Variants in NADK observed in about 807,000 individuals in gnomAD.
The protein encoded by NADK is NAD kinase.
A neutral mutation model predicts 49.8 loss-of-function variants in NADK; 22 were observed. That is an observed-to-expected ratio of 0.44 (90% CI 0.32 to 0.63). The LOEUF (loss-of-function observed/expected upper bound fraction) is 0.63, where lower values mean the gene tolerates loss of function less well. NADK is among the 30% of genes least tolerant of loss of function. The probability of loss-of-function intolerance (pLI) is 0.06; values close to 1 mark genes in which losing one functional copy is unlikely to be tolerated. For synonymous variants in NADK, 268 were observed against 253.7 expected, an observed-to-expected ratio of 1.06 and a Z score of -0.54; for missense variants, 438 against 609.4, an observed-to-expected ratio of 0.72 and a Z score of 2.96.
At chr1:1,757,146 G>GCCCCCCCCCCCCCCC in intron 4 of NADK, 35 bp downstream of exon 4, 15 of 1,524,018 alleles carry the variant, frequency 9.8e-6, no homozygotes, top group Admixed American at 4.0e-5. Context: ...AACTCCATGT[G>GCCCCCCCCCCCCCCC]CACCCCAGGC....
chr1:1,772,429 G>C (rs1646079990), intron 1 of NADK, among the ~76,000 whole-genome samples: 1 of 152,086 alleles, frequency 6.6e-6, no homozygotes, highest in Non-Finnish European at 1.5e-5. Flanking sequence ...ATCATAATGT[G>C]CTTGGATTAC....
chr1:1,773,115 A>C (rs1016911219), intron 1 of NADK, among the ~76,000 whole-genome samples: 20 of 150,640 alleles, frequency 1.3e-4, no homozygotes, highest in Non-Finnish European at 2.5e-4. Context: ...TACTATTTTT[A>C]CAACTTCCTA....
intron 1 of NADK, among the ~76,000 whole-genome samples, chr1:1,771,042 TAA>T (rs34422935): frequency 2.4e-3 from 311 of 130,488 alleles, no homozygotes; most frequent in East Asian, 0.011. Context: ...TTTCATCTTA[TAA>T]AAAAAAAAAA....
chr1:1,753,281 C>T (rs985405159), intron 11 of NADK, among the ~76,000 whole-genome samples: 3 of 152,170 alleles, frequency 2.0e-5, no homozygotes, highest in Non-Finnish European at 2.9e-5. Context: ...AACTCTGCCC[C>T]AGGGCCCTCA....
chr1:1,760,792 T>C (rs1223083047), intron 3 of NADK, among the ~76,000 whole-genome samples: 1 of 152,076 alleles, frequency 6.6e-6, no homozygotes, highest in Non-Finnish European at 1.5e-5. Flanking sequence ...GCAATGAGGA[T>C]GTCTACCAGG....
intron 2 of NADK, among the ~76,000 whole-genome samples, chr1:1,764,317 G>A (rs1003285189): frequency 2.6e-5 from 4 of 152,182 alleles, no homozygotes; most frequent in Admixed American, 2.6e-4. Context: ...CACCAGAACC[G>A]AGAGCACCAT....
Position 1,764,265 on chromosome 1 carries a change from G to A in NADK, c.179+963C>T, listed in dbSNP as rs183223567. Among the ~76,000 whole-genome samples the A allele has an allele frequency of 1.1e-3, 167 of 152,274 alleles. 1 individual carries two copies. Among genetic ancestry groups the A allele is most frequent in the African/African-American group, 3.5e-3 (147 of 41,542 alleles). ...GTCGTGATCCTTGTTAGGCAGCGCC[G>A]GCTCTGGCAAGCTTCCACCTAAAAC... On this transcript the variant is annotated intron_variant, in intron 2 of 11. Transcript: ENST00000341426.
intron 3 of NADK, chr1:1,759,153 C>G: frequency 6.4e-7 from 1 of 1,558,930 alleles, no homozygotes; most frequent in Non-Finnish European, 8.7e-7. Context: ...TGAGCCCAGC[C>G]AGAGCCACCA....
In NADK at chr1:1,754,236, C is replaced by T; in HGVS notation, c.944-28G>A. 6.2e-7 allele frequency: 1 copy of T among 1,613,138 alleles called. No homozygotes were observed. Among genetic ancestry groups the T allele is most frequent in the Admixed American group, 1.7e-5 (1 of 59,992 alleles). ...GACAGGGACAGGCGCAGGCGTCACT[C>T]CCGCCCGAGGGACGCTCAGGGCCCC... On this transcript the variant is annotated intron_variant, in intron 9 of 11. Coordinates refer to ENST00000341426, the MANE Select transcript of NADK (RefSeq NM_023018.5). The surrounding 1 kb of genome is among the most constrained non-coding windows in gnomAD (Gnocchi z 4.3).
At chr1:1,776,973 G>A (rs1646230880) in intron 1 of NADK, among the ~76,000 whole-genome samples, 1 of 152,090 alleles carries the variant, frequency 6.6e-6, no homozygotes, top group South Asian at 2.1e-4. Flanking sequence ...AGCTACTCAG[G>A]AGGCTGAGGT....
intron 1 of NADK, among the ~76,000 whole-genome samples, chr1:1,768,788 T>A (rs1164077537): frequency 6.6e-6 from 1 of 152,192 alleles, no homozygotes; most frequent in Non-Finnish European, 1.5e-5. Context: ...GGCACTTTGT[T>A]ACAGCAGCCT....
intron 3 of NADK, among the ~76,000 whole-genome samples, chr1:1,758,045 C>T (rs571844259): frequency 1.3e-5 from 2 of 152,316 alleles, no homozygotes; most frequent in East Asian, 1.9e-4. Context: ...AGCCCAGAAC[C>T]GGGAACACAC....
At chr1:1,753,129 C>A (rs1164572904) in intron 11 of NADK, 69 bp from the exon 12 acceptor site, 6 of 1,501,160 alleles carry the variant, frequency 4.0e-6, no homozygotes, top group Non-Finnish European at 5.4e-6. Flanking sequence ...AGAACCCTTC[C>A]TCCCTCCCTC....
In NADK at chr1:1,752,845, T is replaced by G. The variant is rs938519329; in HGVS notation, c.*59A>C. On this transcript the variant is annotated 3_prime_UTR_variant, in exon 12 of 12. Coordinates refer to ENST00000341426, the MANE Select transcript of NADK (RefSeq NM_023018.5). ...GGTCACAGACACACGCAGATTGGTC[T>G]GTCCCCAGAGGGCGCTTGGAGGGCA... 3 of 1,563,982 alleles carry G rather than the reference T, an allele frequency of 1.9e-6. No homozygotes were observed. Among genetic ancestry groups the G allele is most frequent in the Non-Finnish European group, 2.6e-6 (3 of 1,149,756 alleles).
chr1:1,779,000 C>A (rs991361152), upstream of NADK, among the ~76,000 whole-genome samples: 9 of 152,228 alleles, frequency 5.9e-5, 1 homozygote, highest in African/African-American at 1.9e-4. The surrounding 1 kb of genome is among the most constrained non-coding windows in gnomAD (Gnocchi z 4.9). Context: ...CTTAGAGCAG[C>A]TGCGGCAGCG....
rs546807434 is a variant in NADK at position 1,775,340 on chromosome 1, T to C, written c.-41+2949A>G. Among the ~76,000 whole-genome samples, 155 of 152,202 alleles carry C rather than the reference T, an allele frequency of 1.0e-3. 1 individual carries two copies. Among genetic ancestry groups the C allele is most frequent in the African/African-American group, 3.6e-3 (149 of 41,516 alleles). On this transcript the variant is annotated intron_variant, in intron 1 of 11. Transcript: ENST00000341426. ...AATCAATATTTGTTGCAAGACTAAA[T>C]GAAAAAGGAAAATTTATTTAGTGAC...
chr1:1,759,446 C>T (rs778437762), intron 3 of NADK, among the ~76,000 whole-genome samples: 12 of 152,354 alleles, frequency 7.9e-5, no homozygotes, highest in South Asian at 4.1e-4. Flanking sequence ...TGGGTGGCCA[C>T]GCACACTGTG....
In NADK at chr1:1,752,572, C is replaced by T. The variant is rs2100259338; in HGVS notation, c.*332G>A. ...AGGACAGGTCGAGTCATTCTGACTC[C>T]TCTGAATTTCAACCGACTGATTTGC... On this transcript the variant is annotated 3_prime_UTR_variant, in exon 12 of 12. Coordinates refer to ENST00000341426, the MANE Select transcript of NADK (RefSeq NM_023018.5). The T allele has an allele frequency of 4.0e-6, 1 of 251,762 alleles. No individual in the cohort carries two copies. The highest frequency in any genetic ancestry group is 8.2e-5 in the East Asian group (1 of 12,230). 15.6% of individuals were successfully genotyped at this position (251,762 alleles called of 1,614,324 possible).
chr1:1,768,840 C>T (rs181973400), intron 1 of NADK, among the ~76,000 whole-genome samples: 1 of 152,274 alleles, frequency 6.6e-6, no homozygotes, highest in East Asian at 1.9e-4. Context: ...GCAAGGTGGG[C>T]AGAAGGAAAG....
Sources: gnomAD v4.1 joint callset for allele counts (sites outside exome capture counted in the v4.1 genomes callset) on GRCh38, gnomAD v4.1.1 for gene constraint, Gnocchi (gnomAD v3.1) non-coding constraint, MANE v1.5 for transcripts, NCBI Gene and HGNC (gene_info 2026-07-23, HGNC 2026-07-21) for gene names.